Variants in DNAJC11 observed in about 807,000 individuals in gnomAD.
DNAJC11 encodes the protein dnaJ homolog subfamily C member 11.
A neutral mutation model predicts 78.6 loss-of-function variants in DNAJC11; 15 were observed. That is an observed-to-expected ratio of 0.19 (90% confidence interval 0.13 to 0.29). The LOEUF (loss-of-function observed/expected upper bound fraction) is 0.29. Among genes scored for constraint, DNAJC11 ranks in the 10% least tolerant of loss-of-function variants. The probability of loss-of-function intolerance (pLI) is 1.00; values close to 1 mark genes in which losing one functional copy is unlikely to be tolerated. For missense variants in DNAJC11, 547 were observed against 709.6 expected, an observed-to-expected ratio of 0.77 and a Z score of 2.60; for synonymous variants, 292 against 272.1, an observed-to-expected ratio of 1.07 and a Z score of -0.72.
rs1325408707 is a variant in DNAJC11, at chr1:6,644,473, G to A, written c.1097+85C>T. ...TTAAGAACAAAATTACAATGCAAAG[G>A]CTATTTCAGCCTTAACTTGGGTAAA... On this transcript the variant is annotated intron_variant, in intron 10 of 15. Coordinates refer to ENST00000377577, the MANE Select transcript of DNAJC11 (RefSeq NM_018198.4). 5 of 992,564 alleles carry A rather than the reference G, an allele frequency of 5.0e-6. No homozygotes were observed. The Admixed American group carries it at 8.6e-5, about 17-fold the overall frequency. The allele number at this position is 992,564 out of a possible 1,614,324, so 61.5% of individuals were successfully genotyped here.
In DNAJC11 at chr1:6,635,321, C is replaced by T. The variant is rs1229772197; in HGVS notation, c.*354G>A. 3.1e-5 allele frequency: 7 copies of T among 224,282 alleles called. No individual in the cohort carries two copies. The East Asian group carries it at 3.9e-4, about 13-fold the overall frequency. The allele number at this position is 224,282 out of a possible 1,614,324, so 13.9% of individuals were successfully genotyped here. A position where few individuals can be genotyped will look rare whatever the true frequency, so the allele number is the denominator to read the frequency against. On this transcript the variant is annotated 3_prime_UTR_variant, in exon 16 of 16. Coordinates refer to ENST00000377577, the MANE Select transcript of DNAJC11 (RefSeq NM_018198.4). Reference sequence around the variant, plus strand: ...CCTGTGGTGAGGGCAGGGTGCTCCACAGACACCTCCAGACCCAGCCAAGAA... The same window carrying T: ...CCTGTGGTGAGGGCAGGGTGCTCCATAGACACCTCCAGACCCAGCCAAGAA...
intron 1 of DNAJC11, among the ~76,000 whole-genome samples, chr1:6,698,295 A>G (rs1406535077): frequency 6.6e-6 from 1 of 152,256 alleles, no homozygotes; most frequent in Non-Finnish European, 1.5e-5. Context: ...GACAGCAAAC[A>G]CACAAACAGG....
intron 7 of DNAJC11, among the ~76,000 whole-genome samples, chr1:6,648,435 C>T (rs1366057599): frequency 6.6e-6 from 1 of 152,154 alleles, no homozygotes; most frequent in African/African-American, 2.4e-5. Context: ...GGATTACAGG[C>T]ATGAGCCACC....
In DNAJC11 at chr1:6,634,656, C is replaced by G. The variant is rs115884505; in HGVS notation, c.*1019G>C. ...CGAGGTCCAGGCCGTGGAGGGGGTC[C>G]TAGCTCCGCTGCATTCTGCATCCCA... On this transcript the variant is annotated 3_prime_UTR_variant, in exon 16 of 16. Transcript: ENST00000377577. The G allele has an allele frequency of 1.2e-3, 1,604 of 1,366,484 alleles. 16 individuals carry two copies. The African/African-American group carries it at 0.019, about 16-fold the overall frequency. The allele number at this position is 1,366,484 out of a possible 1,614,324, so 84.6% of individuals were successfully genotyped here. A position where few individuals can be genotyped will look rare whatever the true frequency, so the allele number is the denominator to read the frequency against.
intron 1 of DNAJC11, among the ~76,000 whole-genome samples, chr1:6,690,816 C>T (rs1163309591): frequency 1.3e-5 from 2 of 152,056 alleles, no homozygotes; most frequent in Admixed American, 6.5e-5. Context: ...CCCAGCTACT[C>T]GGGAGGCTGA....
At position 6,680,946 on chromosome 1, in the gene DNAJC11, G is replaced by A; in HGVS notation, c.164C>T (p.Ala55Val). ...KHRDPELKSQ[A>V]ERLFNLVHQA... ...GTGAACAAGGTTAAACAGTCGTTCC[G>A]CCTGTGACTTGAGCTCTGGGTCTCT... Residue 55 changes from alanine to valine, a missense_variant, in exon 2 of 16, where the codon GCG becomes GTG. Coordinates refer to ENST00000377577, the MANE Select transcript of DNAJC11 (RefSeq NM_018198.4). The surrounding 1 kb of genome is among the most constrained non-coding windows in gnomAD (Gnocchi z 4.0). The A allele has an allele frequency of 1.2e-6, 2 of 1,614,006 alleles. No individual in the cohort carries two copies. Among genetic ancestry groups the A allele is most frequent in the Non-Finnish European group, 1.7e-6 (2 of 1,179,968 alleles).
At chr1:6,637,043 T>A (rs1252100858) in intron 14 of DNAJC11, among the ~76,000 whole-genome samples, 155 bp downstream of exon 14, 1 of 152,072 alleles carries the variant, frequency 6.6e-6, no homozygotes, top group Non-Finnish European at 1.5e-5. Flanking sequence ...AGAGATAGGG[T>A]TTTGCCATGT....
intron 3 of DNAJC11, among the ~76,000 whole-genome samples, chr1:6,671,581 G>C (rs891081276): frequency 2.0e-5 from 3 of 147,068 alleles, no homozygotes; most frequent in African/African-American, 7.6e-5. Flanking sequence ...ATCCAGGCTG[G>C]AGTGCAATGG....
At chr1:6,643,810 C>T (rs1178852933) in intron 10 of DNAJC11, among the ~76,000 whole-genome samples, 1 of 152,194 alleles carries the variant, frequency 6.6e-6, no homozygotes, top group African/African-American at 2.4e-5. Flanking sequence ...ACGTACACCT[C>T]ACTCACTCGG....
In DNAJC11 at chr1:6,652,831, C is replaced by G. The variant is rs921449545; in HGVS notation, c.628G>C (p.Glu210Gln). 1.2e-6 allele frequency: 2 copies of G among 1,614,132 alleles called. No individual in the cohort carries two copies. Among genetic ancestry groups the G allele is most frequent in the Non-Finnish European group, 1.7e-6 (2 of 1,179,998 alleles). Residue 210 changes from glutamate to glutamine, a missense_variant and splice_region_variant, in exon 6 of 16, where the codon GAG becomes CAG. Coordinates refer to ENST00000377577, the MANE Select transcript of DNAJC11 (RefSeq NM_018198.4). ...RRVTSAKGWG[E>Q]LEFGAGDLQG... Reference sequence around the variant, plus strand: ...ACTCAGCCAATAGACATTCTTACCTCTCCCCATCCCTTTGCCGAAGTTACT... The same window carrying G: ...ACTCAGCCAATAGACATTCTTACCTGTCCCCATCCCTTTGCCGAAGTTACT...
rs751993239 is a variant in DNAJC11, at chr1:6,680,818, C to T, written c.202+90G>A. The T allele has an allele frequency of 2.0e-5, 30 of 1,510,494 alleles. No individual in the cohort carries two copies. In the South Asian group the frequency reaches 2.4e-4, roughly 12 times the overall value. The allele number at this position is 1,510,494 out of a possible 1,614,324, so 93.6% of individuals were successfully genotyped here. ...CACCTGTTTTATATACCTCTAAGGA[C>T]TCTCTTTTTCTATCCTCTACAAATC... On this transcript the variant is annotated intron_variant, in intron 2 of 15. Coordinates refer to ENST00000377577, the MANE Select transcript of DNAJC11 (RefSeq NM_018198.4). This position sits in a 1 kb window ranked among gnomAD's most constrained non-coding sequence, Gnocchi z 4.0.
chr1:6,664,626 C>G (rs1642268395), intron 4 of DNAJC11, among the ~76,000 whole-genome samples: 1 of 152,230 alleles, frequency 6.6e-6, no homozygotes, highest in Non-Finnish European at 1.5e-5. Flanking sequence ...TGAAACACCA[C>G]CACCACATTT....
At chr1:6,646,527 C>T (rs1357845243) in intron 7 of DNAJC11, among the ~76,000 whole-genome samples, 1 of 152,112 alleles carries the variant, frequency 6.6e-6, no homozygotes, top group African/African-American at 2.4e-5. Context: ...CCTATGGAAC[C>T]AGAATTTCTG....
intron 15 of DNAJC11, 83 bp from the exon 16 acceptor site, chr1:6,635,783 CG>C: frequency 6.5e-7 from 1 of 1,531,068 alleles, no homozygotes; most frequent in Non-Finnish European, 9.0e-7. Context: ...AGCAGTCACC[CG>C]GACCAGCAGC....
chr1:6,682,055 C>T (rs1642561602), intron 1 of DNAJC11, among the ~76,000 whole-genome samples: 3 of 150,880 alleles, frequency 2.0e-5, no homozygotes, highest in South Asian at 2.1e-4. Flanking sequence ...AGGCCCAGGT[C>T]CCAGGAGGCG....
rs149635340 is a variant in DNAJC11 at position 6,658,158 on chromosome 1, T to C, written c.379-4119A>G. ...TGGAGTGACACCTTCAGACGGGATC[T>C]GGGGACTGAGGGCTCCGGGATGCCA... On this transcript the variant is annotated intron_variant, in intron 4 of 15. Transcript: ENST00000377577. Among the ~76,000 whole-genome samples the C allele has an allele frequency of 5.0e-3, 755 of 152,282 alleles. 6 individuals carry two copies. Among genetic ancestry groups the C allele is most frequent in the African/African-American group, 0.017 (703 of 41,550 alleles).
intron 1 of DNAJC11, among the ~76,000 whole-genome samples, chr1:6,691,425 G>T (rs1335349964): frequency 1.3e-5 from 2 of 152,068 alleles, no homozygotes; most frequent in Non-Finnish European, 2.9e-5. Flanking sequence ...ATATATATTT[G>T]TTGCCCTTGA....
chr1:6,653,755 G>A lies in DNAJC11; in HGVS notation c.507+156C>T. ...CCAGCACAGCGGTAACACACGGCTG[G>A]GAATGAAGCGCTTTCTTTTTTAAGT... On this transcript the variant is annotated intron_variant, in intron 5 of 15. Transcript: ENST00000377577. The surrounding 1 kb of genome is among the most constrained non-coding windows in gnomAD (Gnocchi z 4.5). 1.0e-6 allele frequency: 1 copy of A among 999,658 alleles called. No individual in the cohort carries two copies. The highest frequency in any genetic ancestry group is 1.4e-6 in the Non-Finnish European group (1 of 697,358). The allele number at this position is 999,658 out of a possible 1,614,324, so 61.9% of individuals were successfully genotyped here.
intron 1 of DNAJC11, among the ~76,000 whole-genome samples, chr1:6,687,597 T>A (rs1256376052): frequency 6.6e-6 from 1 of 152,104 alleles, no homozygotes; most frequent in Non-Finnish European, 1.5e-5. Context: ...GACCTCGTGA[T>A]CCGCCCACCT....
Sources: gnomAD v4.1 joint callset for allele counts (sites outside exome capture counted in the v4.1 genomes callset) on GRCh38, gnomAD v4.1.1 for gene constraint, Gnocchi (gnomAD v3.1) non-coding constraint, MANE v1.5 for transcripts, NCBI Gene and HGNC (gene_info 2026-07-23, HGNC 2026-07-21) for gene names.